The following CSMD1 variants were observed in gnomAD, a reference collection of about 807,000 sequenced individuals.
The protein encoded by CSMD1 is CUB and Sushi multiple domains 1, also known as CUB and sushi domain-containing protein 1.
Under a neutral mutation model 417.5 loss-of-function variants are expected in CSMD1, and 213 were observed. The observed-to-expected ratio is 0.51, with a 90% confidence interval of 0.46 to 0.57. CSMD1 has a LOEUF of 0.57. CSMD1 is among the 20% of genes least tolerant of loss of function. The pLI, the probability that CSMD1 is intolerant of heterozygous loss-of-function variation, is 0.00. For synonymous variants in CSMD1, 2,862 were observed against 1,736.8 expected (o/e 1.65, Z -16.11); for missense variants, 6,923 against 4,529.7 (o/e 1.53, Z -15.17).
intron 3 of CSMD1, among the ~76,000 whole-genome samples, chr8:4,076,109 G>A (rs1799808006): frequency 6.6e-6 from 1 of 152,014 alleles, no homozygotes; most frequent in Non-Finnish European, 1.5e-5. Flanking sequence ...TAATCCCCAC[G>A]TGTCATGGGA....
intron 3 of CSMD1, among the ~76,000 whole-genome samples, chr8:4,116,521 GTGCAGGTACCTGGAT>G (rs1802158614): frequency 1.4e-5 from 1 of 71,546 alleles, no homozygotes; most frequent in Non-Finnish European, 2.8e-5. Flanking sequence ...CGATGTATGA[GTGCAGGTACCTGGAT>G]GGAACAAACG....
chr8:3,308,731 A>AATTTTTTTTTTT (rs750152499), intron 23 of CSMD1, among the ~76,000 whole-genome samples: 3 of 75,828 alleles, frequency 4.0e-5, no homozygotes, highest in African/African-American at 9.9e-5. Flanking sequence ...CCTACTTACA[A>AATTTTTTTTTTT]GTTTTTTTTT....
At chr8:2,962,150 T>C (rs891876767) in intron 61 of CSMD1, among the ~76,000 whole-genome samples, 4 of 152,298 alleles carry the variant, frequency 2.6e-5, no homozygotes, top group African/African-American at 4.8e-5. Context: ...TTAGAGAATG[T>C]TCCTACCTGC....
intron 1 of CSMD1, among the ~76,000 whole-genome samples, chr8:4,870,100 C>G (rs956006237): frequency 6.6e-6 from 1 of 152,080 alleles, no homozygotes; most frequent in Admixed American, 6.5e-5. Context: ...CAATATTGCA[C>G]ACTCTTGATT....
intron 1 of CSMD1, among the ~76,000 whole-genome samples, chr8:4,682,384 G>C (rs1426159233): frequency 6.6e-6 from 1 of 152,006 alleles, no homozygotes; most frequent in Middle Eastern, 3.2e-3. Flanking sequence ...TACTTGTTGT[G>C]TATCTGTGTC....
At chr8:3,428,277 A>G (rs1453099931) in intron 12 of CSMD1, among the ~76,000 whole-genome samples, 4 of 152,176 alleles carry the variant, frequency 2.6e-5, no homozygotes, top group African/African-American at 4.8e-5. Context: ...GAAAACAAAC[A>G]AACGGCTCTG....
chr8:3,475,486 C>T (rs1288353966), intron 11 of CSMD1, among the ~76,000 whole-genome samples: 2 of 152,146 alleles, frequency 1.3e-5, no homozygotes, highest in Non-Finnish European at 2.9e-5. Flanking sequence ...ATACCAAGGG[C>T]TTAACATTTG....
At chr8:4,461,647 C>A (rs1448727466) in intron 2 of CSMD1, among the ~76,000 whole-genome samples, 15 of 151,774 alleles carry the variant, frequency 9.9e-5, no homozygotes, top group Non-Finnish European at 2.1e-4. Context: ...ACCTCCTGGG[C>A]TCAAGCAATC....
intron 3 of CSMD1, among the ~76,000 whole-genome samples, chr8:4,369,424 T>C (rs1802275358): frequency 6.6e-6 from 1 of 152,182 alleles, no homozygotes; most frequent in African/African-American, 2.4e-5. Flanking sequence ...TCTATCACTG[T>C]TGGGTGGAGT....
intron 1 of CSMD1, among the ~76,000 whole-genome samples, chr8:4,789,137 C>T (rs1416953985): frequency 6.6e-6 from 1 of 152,138 alleles, no homozygotes; most frequent in African/African-American, 2.4e-5. Context: ...TAAGAGTTCA[C>T]TGAAAATGAA....
intron 1 of CSMD1, among the ~76,000 whole-genome samples, chr8:4,884,577 A>G (rs1803608740): frequency 6.6e-6 from 1 of 152,058 alleles, no homozygotes; most frequent in Non-Finnish European, 1.5e-5. Flanking sequence ...CTTCGACTTC[A>G]TCACTTTGCA....
intron 2 of CSMD1, among the ~76,000 whole-genome samples, chr8:4,630,484 A>T (rs531133278): frequency 3.3e-5 from 5 of 152,296 alleles, no homozygotes; most frequent in African/African-American, 1.2e-4. Flanking sequence ...CGAAAAACAA[A>T]CAAAAAACAA....
intron 6 of CSMD1, among the ~76,000 whole-genome samples, chr8:3,721,571 G>A (rs1262658747): frequency 1.3e-5 from 2 of 152,040 alleles, no homozygotes; most frequent in African/African-American, 4.8e-5. Context: ...AAATTCCAGT[G>A]GTATTTCAGG....
Position 4,378,484 on chromosome 8 carries a change from C to T in CSMD1, c.415+41469G>A, listed in dbSNP as rs149222164. ...GCACTCTGTCTCCCTAGTTTTTATC[C>T]CCTTTATCTCTCTCTCTCTCTTTCT... On this transcript the variant is annotated intron_variant, in intron 3 of 69. Coordinates refer to ENST00000635120, the MANE Select transcript of CSMD1 (RefSeq NM_033225.6). Among the ~76,000 whole-genome samples the T allele has an allele frequency of 5.4e-3, 826 of 152,200 alleles. 9 individuals carry two copies. The highest frequency in any genetic ancestry group is 0.019 in the African/African-American group (781 of 41,496).
At chr8:3,821,655 G>A (rs1468625923) in intron 5 of CSMD1, among the ~76,000 whole-genome samples, 1 of 152,130 alleles carries the variant, frequency 6.6e-6, no homozygotes, top group African/African-American at 2.4e-5. Context: ...GGTGGCACAT[G>A]CCTGTAATCC....
At chr8:4,867,203 A>G in intron 1 of CSMD1, among the ~76,000 whole-genome samples, 1 of 152,082 alleles carries the variant, frequency 6.6e-6, no homozygotes, top group East Asian at 1.9e-4. Context: ...GCATCGTTCC[A>G]ATCATTTGCC....
At chr8:3,606,750 C>G (rs950243277) in intron 8 of CSMD1, among the ~76,000 whole-genome samples, 13 of 150,478 alleles carry the variant, frequency 8.6e-5, no homozygotes, top group Non-Finnish European at 1.3e-4. Flanking sequence ...CTCACTGGGT[C>G]CCCAGGCTGG....
At chr8:3,439,309 A>ATATATATATATTTTTTT in intron 12 of CSMD1, among the ~76,000 whole-genome samples, 43 of 62,436 alleles carry the variant, frequency 6.9e-4, no homozygotes, top group African/African-American at 8.0e-4. Context: ...ATATATATAT[A>ATATATATATATTTTTTT]TTTTTTTTTT....
chr8:4,455,242 G>A (rs567198734), intron 2 of CSMD1, among the ~76,000 whole-genome samples: 3 of 152,060 alleles, frequency 2.0e-5, no homozygotes, highest in Non-Finnish European at 4.4e-5. Flanking sequence ...ATATTTGTTG[G>A]CCTTTTCCCC....
Sources: allele counts gnomAD v4.1 joint callset (sites outside exome capture counted in the v4.1 genomes callset), GRCh38; gene constraint gnomAD v4.1.1; transcripts MANE v1.5; gene names NCBI Gene and HGNC (gene_info 2026-07-23, HGNC 2026-07-21).